The following RGL1 variants were observed in gnomAD, a reference collection of about 807,000 sequenced individuals.
RGL1 encodes the protein ral guanine nucleotide dissociation stimulator-like 1.
RGL1 carries 24 observed loss-of-function variants against 95.2 expected under a neutral mutation model. The ratio of observed to expected loss-of-function variants is 0.25; its 90% CI spans 0.18 to 0.35. The LOEUF (loss-of-function observed/expected upper bound fraction) is 0.35, where lower values mean the gene tolerates loss of function less well. RGL1 is among the 10% of genes least tolerant of loss of function. The pLI, the probability that RGL1 is intolerant of heterozygous loss-of-function variation, is 1.00. For synonymous variants in RGL1, 329 were observed against 344.9 expected (o/e 0.95, Z 0.51); for missense variants, 715 against 936.3 (o/e 0.76, Z 3.08).
chr1:183,885,135 T>C (rs1289689079), intron 7 of RGL1, among the ~76,000 whole-genome samples, 197 bp downstream of exon 7: 1 of 152,208 alleles, frequency 6.6e-6, no homozygotes, highest in African/African-American at 2.4e-5. Context: ...TATTTTCCTC[T>C]TTTTTAAAAA....
intron 2 of RGL1, among the ~76,000 whole-genome samples, chr1:183,763,573 G>A (rs1413003379): frequency 6.6e-6 from 1 of 152,132 alleles, no homozygotes; most frequent in East Asian, 1.9e-4. Flanking sequence ...CACATAGTGA[G>A]AACCTAACAA....
chr1:183,859,823 T>A (rs1665393958), intron 3 of RGL1, among the ~76,000 whole-genome samples: 1 of 152,218 alleles, frequency 6.6e-6, no homozygotes, highest in Non-Finnish European at 1.5e-5. Context: ...ATAAGTAACT[T>A]CACAGTGGTA....
At position 183,783,596 on chromosome 1, in the gene RGL1, C is replaced by T. The variant is rs191125913; in HGVS notation, c.133-22779C>T. Among the ~76,000 whole-genome samples the T allele has an allele frequency of 3.5e-3, 539 of 152,282 alleles. 2 individuals carry two copies. The highest frequency in any genetic ancestry group is 0.012 in the African/African-American group (515 of 41,548). On this transcript the variant is annotated intron_variant, in intron 2 of 18. Transcript: ENST00000304685. ...GTGAAATTGAGCCAAGTCTCTCTTT[C>T]CTGCTCCCCCTTTCTCCTTATTTCC...
chr1:183,920,251 G>C (rs997039787), intron 16 of RGL1, among the ~76,000 whole-genome samples: 3 of 152,106 alleles, frequency 2.0e-5, no homozygotes, highest in Non-Finnish European at 1.5e-5. Context: ...TGGCCAGGAT[G>C]GTCTCAAGCT....
intron 2 of RGL1, among the ~76,000 whole-genome samples, chr1:183,780,518 C>T (rs1478287932): frequency 6.6e-6 from 1 of 152,166 alleles, no homozygotes. Flanking sequence ...TCTTCTGCCC[C>T]AGCACTGAAT....
chr1:183,779,509 A>G (rs1427293940), intron 2 of RGL1, among the ~76,000 whole-genome samples: 1 of 152,034 alleles, frequency 6.6e-6, no homozygotes. Flanking sequence ...TCAGCCTCCC[A>G]AAGTTGCTGG....
At chr1:183,698,306 A>G (rs886551600) in intron 1 of RGL1, among the ~76,000 whole-genome samples, 1 of 152,122 alleles carries the variant, frequency 6.6e-6, no homozygotes, top group East Asian at 1.9e-4. Flanking sequence ...GTGGCTTCCA[A>G]CTGTTGCTAG....
chr1:183,767,852 C>A (rs1659062307), intron 2 of RGL1, among the ~76,000 whole-genome samples: 1 of 152,008 alleles, frequency 6.6e-6, no homozygotes, highest in African/African-American at 2.4e-5. Flanking sequence ...ACTCAGGAGG[C>A]CAAGGCAGGA....
chr1:183,671,340 G>T (rs893439768), intron 1 of RGL1, among the ~76,000 whole-genome samples: 2 of 152,166 alleles, frequency 1.3e-5, no homozygotes, highest in Non-Finnish European at 1.5e-5. Flanking sequence ...CACTTTTCTT[G>T]CATGTATACC....
intron 17 of RGL1, among the ~76,000 whole-genome samples, chr1:183,922,870 G>T (rs1416078009): frequency 6.6e-6 from 1 of 152,186 alleles, no homozygotes; most frequent in East Asian, 1.9e-4. Context: ...TTGAGGCAAA[G>T]AACTGGTAAT....
intron 4 of RGL1, among the ~76,000 whole-genome samples, chr1:183,868,502 A>G (rs958664105): frequency 1.3e-5 from 2 of 152,204 alleles, no homozygotes; most frequent in East Asian, 3.9e-4. Context: ...GCAGACTCTC[A>G]GGCCCCACTC....
chr1:183,892,026 G>T, intron 8 of RGL1, 51 bp from the exon 9 acceptor site: 1 of 1,435,286 alleles, frequency 7.0e-7, no homozygotes. Flanking sequence ...CAAAAGTGTC[G>T]GGTTATTCCT....
chr1:183,848,324 G>C (rs138106728), intron 3 of RGL1, among the ~76,000 whole-genome samples: 288 of 152,290 alleles, frequency 1.9e-3, no homozygotes, highest in Non-Finnish European at 2.5e-3. Context: ...ACATAGAGCA[G>C]TATACATTGA....
chr1:183,677,899 C>T (rs553798273), intron 1 of RGL1, among the ~76,000 whole-genome samples: 1 of 152,150 alleles, frequency 6.6e-6, no homozygotes, highest in African/African-American at 2.4e-5. Context: ...ACAGGGCACC[C>T]TCAGAATGAA....
At chr1:183,814,890 A>C (rs914484322) in intron 2 of RGL1, among the ~76,000 whole-genome samples, 2 of 152,240 alleles carry the variant, frequency 1.3e-5, no homozygotes, top group African/African-American at 4.8e-5. Context: ...AGAAAAGAAC[A>C]TTTAAGTATG....
chr1:183,723,679 C>A (rs7554816), intron 1 of RGL1, among the ~76,000 whole-genome samples: 71,126 of 152,002 alleles, frequency 0.47, 17,503 homozygotes, highest in East Asian at 0.8. Flanking sequence ...GGCAAGCCTC[C>A]CCACCACAGG....
chr1:183,840,292 G>C (rs1663957931), intron 2 of RGL1, among the ~76,000 whole-genome samples: 1 of 152,198 alleles, frequency 6.6e-6, no homozygotes, highest in African/African-American at 2.4e-5. Flanking sequence ...TTTAGGATAA[G>C]AGGGGGTTCT....
At chr1:183,785,323 C>T (rs1244941379) in intron 2 of RGL1, among the ~76,000 whole-genome samples, 3 of 152,196 alleles carry the variant, frequency 2.0e-5, no homozygotes, top group Non-Finnish European at 4.4e-5. Context: ...GCCTTTGCTC[C>T]TGCCATTCCT....
intron 4 of RGL1, among the ~76,000 whole-genome samples, chr1:183,878,108 C>A (rs919853304): frequency 6.6e-6 from 1 of 152,112 alleles, no homozygotes; most frequent in Non-Finnish European, 1.5e-5. Flanking sequence ...GATGAAGTAT[C>A]TGTAATATAC....
Sources: allele counts gnomAD v4.1 joint callset (sites outside exome capture counted in the v4.1 genomes callset), GRCh38; gene constraint gnomAD v4.1.1; transcripts MANE v1.5; gene names NCBI Gene and HGNC (gene_info 2026-07-23, HGNC 2026-07-21).